The following DLG2 variants were observed in gnomAD, a reference collection of about 807,000 sequenced individuals.
DLG2 encodes discs large MAGUK scaffold protein 2.
A neutral mutation model predicts 132.5 loss-of-function variants in DLG2; 45 were observed. That is an observed-to-expected ratio of 0.34 (90% CI 0.27 to 0.44). The LOEUF (loss-of-function observed/expected upper bound fraction) is 0.44, where lower values mean the gene tolerates loss of function less well. Among genes scored for constraint, DLG2 ranks in the 20% least tolerant of loss-of-function variants. DLG2 has a pLI of 1.00. For missense variants in DLG2, 1,045 were observed against 1,196.9 expected, an observed-to-expected ratio of 0.87 and a Z score of 1.87; for synonymous variants, 424 against 419.6, an observed-to-expected ratio of 1.01 and a Z score of -0.13.
chr11:84,534,418 G>A, intron 7 of DLG2, 152 bp downstream of exon 7: 1 of 646,384 alleles, frequency 1.5e-6, no homozygotes, highest in Non-Finnish European at 2.6e-6. Flanking sequence ...TACAAGGTGG[G>A]CCTCCAATGC....
chr11:85,431,823 T>C (rs1320106030), intron 3 of DLG2, among the ~76,000 whole-genome samples: 7 of 152,238 alleles, frequency 4.6e-5, no homozygotes, highest in African/African-American at 1.7e-4. Context: ...GCCAAAGTGC[T>C]TCATTAAACA....
chr11:84,346,890 C>G (rs1350282474), intron 7 of DLG2, among the ~76,000 whole-genome samples: 1 of 152,094 alleles, frequency 6.6e-6, no homozygotes, highest in Admixed American at 6.6e-5. Context: ...GTTTCACTGT[C>G]TTTATCTGTA....
intron 6 of DLG2, among the ~76,000 whole-genome samples, chr11:84,926,288 G>C (rs1205552262): frequency 2.0e-5 from 3 of 151,940 alleles, no homozygotes; most frequent in African/African-American, 4.8e-5. Flanking sequence ...AGGTAGTTTG[G>C]AATTATCTAT....
intron 21 of DLG2, among the ~76,000 whole-genome samples, chr11:83,525,681 CT>C (rs771407008): frequency 1.2e-4 from 18 of 152,202 alleles, no homozygotes; most frequent in Non-Finnish European, 2.5e-4. Context: ...TATGGCTCTC[CT>C]TCCACCTCTC....
chr11:85,539,636 A>C (rs1320850468), intron 3 of DLG2, among the ~76,000 whole-genome samples: 1 of 152,222 alleles, frequency 6.6e-6, no homozygotes, highest in African/African-American at 2.4e-5. Flanking sequence ...ACTTTAAAAG[A>C]GTAACTATCT....
intron 10 of DLG2, among the ~76,000 whole-genome samples, chr11:84,093,140 C>G (rs1190166332): frequency 6.6e-6 from 1 of 152,102 alleles, no homozygotes; most frequent in East Asian, 1.9e-4. Context: ...TGGTGTATGT[C>G]ATAAGTCTAG....
At chr11:83,815,644 G>A (rs1268668418) in intron 17 of DLG2, among the ~76,000 whole-genome samples, 4 of 152,174 alleles carry the variant, frequency 2.6e-5, no homozygotes, top group Non-Finnish European at 4.4e-5. Context: ...ATGGAAGAAA[G>A]TGGTGGGCAA....
At chr11:83,846,549 A>G (rs1260128283) in intron 16 of DLG2, among the ~76,000 whole-genome samples, 1 of 152,162 alleles carries the variant, frequency 6.6e-6, no homozygotes. Flanking sequence ...AGGGGCTTTG[A>G]TTGAGGCTGT....
At chr11:85,017,354 C>A (rs539371879) in intron 6 of DLG2, among the ~76,000 whole-genome samples, 1 of 74,266 alleles carries the variant, frequency 1.3e-5, no homozygotes, top group African/African-American at 9.6e-5. Flanking sequence ...TCTCTTTCTC[C>A]ACTTTTTTTT....
At chr11:83,976,610 T>A (rs2092261691) in intron 12 of DLG2, among the ~76,000 whole-genome samples, 1 of 151,954 alleles carries the variant, frequency 6.6e-6, no homozygotes, top group Non-Finnish European at 1.5e-5. Context: ...TTGTCTTTAT[T>A]CTCCTTTTCA....
intron 6 of DLG2, among the ~76,000 whole-genome samples, chr11:84,816,199 T>C (rs1344521277): frequency 6.6e-6 from 1 of 151,994 alleles, no homozygotes; most frequent in Non-Finnish European, 1.5e-5. Context: ...CTTGATTCAA[T>C]AGTAGGATGA....
chr11:83,585,955 AAG>A (rs1471026305), intron 19 of DLG2, among the ~76,000 whole-genome samples: 2 of 152,242 alleles, frequency 1.3e-5, no homozygotes, highest in Non-Finnish European at 2.9e-5. Flanking sequence ...AGAAAATGTC[AAG>A]AGACAAAGAG....
At chr11:84,143,621 A>G (rs1046804761) in intron 9 of DLG2, among the ~76,000 whole-genome samples, 1 of 152,318 alleles carries the variant, frequency 6.6e-6, no homozygotes, top group South Asian at 2.1e-4. Context: ...TGGATAAAAT[A>G]TAAGCTTGTA....
intron 9 of DLG2, among the ~76,000 whole-genome samples, chr11:84,103,203 T>C (rs1297897589): frequency 6.6e-6 from 1 of 152,146 alleles, no homozygotes; most frequent in Non-Finnish European, 1.5e-5. Context: ...CAGCCTTCCC[T>C]TTTAAGTCTT....
intron 7 of DLG2, among the ~76,000 whole-genome samples, chr11:84,516,438 T>G (rs1273661586): frequency 6.6e-6 from 1 of 151,562 alleles, no homozygotes; most frequent in Non-Finnish European, 1.5e-5. Flanking sequence ...TATTATGAAC[T>G]ATTATATATG....
At chr11:84,132,143 T>C (rs1312666804) in intron 9 of DLG2, among the ~76,000 whole-genome samples, 1 of 151,976 alleles carries the variant, frequency 6.6e-6, no homozygotes, top group Non-Finnish European at 1.5e-5. Flanking sequence ...GCATGACCTG[T>C]TTTTTGTTCT....
At chr11:84,041,846 G>T (rs2096091264) in intron 11 of DLG2, among the ~76,000 whole-genome samples, 1 of 151,892 alleles carries the variant, frequency 6.6e-6, no homozygotes, top group Non-Finnish European at 1.5e-5. Context: ...CTGGTGGGCG[G>T]TGATTGAATT....
At chr11:83,698,043 C>G (rs1317128343) in intron 18 of DLG2, among the ~76,000 whole-genome samples, 2 of 152,190 alleles carry the variant, frequency 1.3e-5, no homozygotes, top group Non-Finnish European at 2.9e-5. Context: ...TCACTAGCTG[C>G]TACAAACTTG....
At chr11:84,573,972 C>A (rs980485740) in intron 6 of DLG2, among the ~76,000 whole-genome samples, 1 of 152,186 alleles carries the variant, frequency 6.6e-6, no homozygotes, top group African/African-American at 2.4e-5. Context: ...AGGTACTTAA[C>A]TATTCAACCA....
Sources: allele counts gnomAD v4.1 joint callset (sites outside exome capture counted in the v4.1 genomes callset), GRCh38; gene constraint gnomAD v4.1.1; transcripts MANE v1.5; gene names NCBI Gene and HGNC (gene_info 2026-07-23, HGNC 2026-07-21).